CCT2: variants seen among roughly 807,000 people sequenced by gnomAD.
CCT2 encodes the protein T-complex protein 1 subunit beta.
Under a neutral mutation model 61.8 loss-of-function variants are expected in CCT2, and 18 were observed. That is an observed-to-expected ratio of 0.29 (90% CI 0.20 to 0.43). The LOEUF is 0.43. CCT2 is among the 20% of genes least tolerant of loss of function. The pLI is 1.00. For synonymous variants in CCT2, 248 were observed against 215.9 expected, an observed-to-expected ratio of 1.15 and a Z score of -1.30; for missense variants, 556 against 656.9, an observed-to-expected ratio of 0.85 and a Z score of 1.68.
chr12:69,601,343 C>G lies in CCT2; in HGVS notation c.*18C>G. ...CCTGTTAAGCATTCCCACGTGCTGT[C>G]GATCTTTGGACCAGTTTCTAGCAAA... is the stretch of plus-strand genomic sequence containing the variant. On this transcript the variant is annotated 3_prime_UTR_variant, in exon 16 of 16. Transcript: ENST00000299300. The G allele has an allele frequency of 6.2e-7, 1 of 1,613,786 alleles. No homozygotes were observed. Among genetic ancestry groups the G allele is most frequent in the South Asian group, 1.1e-5 (1 of 91,000 alleles).
chr12:69,596,349 G>T (rs1238189635), intron 10 of CCT2, among the ~76,000 whole-genome samples: 1 of 152,172 alleles, frequency 6.6e-6, no homozygotes, highest in Non-Finnish European at 1.5e-5. Flanking sequence ...GAAAAGAAGG[G>T]TTGATTGATA....
intron 10 of CCT2, among the ~76,000 whole-genome samples, chr12:69,596,137 C>T (rs956230324): frequency 6.6e-6 from 1 of 152,206 alleles, no homozygotes; most frequent in African/African-American, 2.4e-5. Flanking sequence ...CCAAGTTAGT[C>T]TTATTTTTGG....
In CCT2 at chr12:69,593,629, A is replaced by G. The variant is rs1220617354; in HGVS notation, c.982+16A>G. On this transcript the variant is annotated intron_variant, in intron 10 of 15. Coordinates refer to ENST00000299300, the MANE Select transcript of CCT2 (RefSeq NM_006431.3). The stretch of plus-strand genomic sequence containing the variant: ...CTTGTCACAGGTATGGAAAAAAGGT[A>G]TTGTTTTCTAACAAACACAATAGTC... 4 of 1,476,332 alleles carry G rather than the reference A, an allele frequency of 2.7e-6. No homozygotes were observed. The highest frequency in any genetic ancestry group is 1.7e-5 in the Admixed American group (1 of 58,644). 91.5% of individuals were successfully genotyped at this position (1,476,332 alleles called of 1,614,324 possible).
intron 1 of CCT2, 173 bp downstream of exon 1, chr12:69,585,697 G>C: frequency 6.7e-7 from 1 of 1,500,522 alleles, no homozygotes; most frequent in East Asian, 2.5e-5. Flanking sequence ...AGCCGGTGGA[G>C]CTCACCACGA....
At position 69,586,040 on chromosome 12, in the gene CCT2, A is replaced by G. The variant is rs1426047509; in HGVS notation, c.4-230A>G. The G allele has an allele frequency of 3.4e-5, 47 of 1,387,312 alleles. No individual in the cohort carries two copies. The Middle Eastern group carries it at 8.1e-4, about 24-fold the overall frequency. The allele number at this position is 1,387,312 out of a possible 1,614,324, so 85.9% of individuals were successfully genotyped here. On this transcript the variant is annotated intron_variant, in intron 1 of 15. Transcript: ENST00000299300. ...TAACTGTCAATCTCGCTGGTGTATA[A>G]TTTATACTCCCGGGGGCCTTGTAAA...
chr12:69,596,851 T>C (rs1882006298), intron 10 of CCT2, among the ~76,000 whole-genome samples: 2 of 152,202 alleles, frequency 1.3e-5, no homozygotes, highest in Admixed American at 1.3e-4. Flanking sequence ...CCAGACTGCT[T>C]GAGTTTGAAC....
At position 69,586,429 on chromosome 12, in the gene CCT2, A is replaced by T. The variant is rs1881659507; in HGVS notation, c.78+85A>T. On this transcript the variant is annotated intron_variant, in intron 2 of 15. Transcript: ENST00000299300. ...ACTCCTGTAATCCCAGTACTTTGGGAGGCCGAGGTAGGCGGATGAACTGAG... is the reference window on the plus strand; with the variant it reads ...ACTCCTGTAATCCCAGTACTTTGGGTGGCCGAGGTAGGCGGATGAACTGAG... The T allele has an allele frequency of 3.2e-6, 3 of 935,238 alleles. No individual in the cohort carries two copies. In the South Asian group the frequency reaches 4.0e-5, roughly 12 times the overall value. The allele number at this position is 935,238 out of a possible 1,614,324, so 57.9% of individuals were successfully genotyped here.
chr12:69,599,930 A>C lies in CCT2; in HGVS notation c.1503A>C (p.Arg501=). ...TAACAGAAAGTTTTCAAGTGAAGCG[A>C]CAGGTTCTTCTGAGTGCAGCTGAAG... ...LGITESFQVK[R]QVLLSAAEAA... Residue 501 remains arginine (R), a synonymous_variant, in exon 15 of 16, where the codon CGA becomes CGC. Coordinates refer to ENST00000299300, the MANE Select transcript of CCT2 (RefSeq NM_006431.3). 1 of 1,614,072 alleles carries C rather than the reference A, an allele frequency of 6.2e-7. No individual in the cohort carries two copies. The highest frequency in any genetic ancestry group is 1.3e-5 in the African/African-American group (1 of 75,052).
Position 69,601,354 on chromosome 12 carries a change from C to A in CCT2, c.*29C>A, listed in dbSNP as rs749846279. 10 of 1,613,850 alleles carry A rather than the reference C, an allele frequency of 6.2e-6. No individual in the cohort carries two copies. The highest frequency in any genetic ancestry group is 8.5e-7 in the Non-Finnish European group (1 of 1,179,848). ...TTCCCACGTGCTGTCGATCTTTGGA[C>A]CAGTTTCTAGCAAAGTTGTGTTTGA... On this transcript the variant is annotated 3_prime_UTR_variant, in exon 16 of 16. Coordinates refer to ENST00000299300, the MANE Select transcript of CCT2 (RefSeq NM_006431.3).
chr12:69,601,181 CAG>C (rs1394378798), intron 15 of CCT2, 112 bp from the exon 16 acceptor site: 1 of 830,246 alleles, frequency 1.2e-6, no homozygotes, highest in South Asian at 1.8e-5. Flanking sequence ...CAAACCATTG[CAG>C]AGTTATAACA....
intron 4 of CCT2, 153 bp downstream of exon 4, chr12:69,587,769 G>T: frequency 1.4e-6 from 1 of 733,536 alleles, no homozygotes; most frequent in Non-Finnish European, 2.3e-6. Context: ...CTTCAGGAGT[G>T]CCCGTATGTT....
intron 7 of CCT2, 184 bp downstream of exon 7, chr12:69,589,871 G>T: frequency 1.7e-6 from 1 of 591,402 alleles, no homozygotes; most frequent in Non-Finnish European, 3.0e-6. Flanking sequence ...CGCTATTCCA[G>T]CATTGTTGAT....
Position 69,588,277 on chromosome 12 carries a change from G to A in CCT2, c.446+15G>A. ...GTTGATCATGGGTTTGTATAGCAAA[G>A]TACTACTGTTCTAAACATTTAGTGT... On this transcript the variant is annotated intron_variant, in intron 6 of 15. Coordinates refer to ENST00000299300, the MANE Select transcript of CCT2 (RefSeq NM_006431.3). 6.5e-7 allele frequency: 1 copy of A among 1,535,158 alleles called. No individual in the cohort carries two copies. Among genetic ancestry groups the A allele is most frequent in the Non-Finnish European group, 9.0e-7 (1 of 1,108,240 alleles).
At chr12:69,588,485 A>G (rs1477724343) in intron 6 of CCT2, 5 of 492,860 alleles carry the variant, frequency 1.0e-5, no homozygotes, top group Non-Finnish European at 1.8e-5. Flanking sequence ...AAATAAAGCA[A>G]ATAGTATAAT....
intron 7 of CCT2, among the ~76,000 whole-genome samples, chr12:69,590,565 A>G (rs1881805758): frequency 6.6e-6 from 1 of 152,176 alleles, no homozygotes; most frequent in Non-Finnish European, 1.5e-5. Flanking sequence ...AAGGAAAAAA[A>G]AAGAATTAGA....
At chr12:69,597,498 T>G (rs1409441581) in intron 11 of CCT2, 140 bp from the exon 12 acceptor site, 7 of 1,060,172 alleles carry the variant, frequency 6.6e-6, no homozygotes, top group Non-Finnish European at 9.6e-6. Flanking sequence ...TTAGAACCAT[T>G]ATGAGCCTTG....
At position 69,599,852 on chromosome 12, in the gene CCT2, TTTC is replaced by T; in HGVS notation, c.1436-8_1436-6del. On this transcript the variant is annotated splice_polypyrimidine_tract_variant and splice_region_variant and intron_variant, in intron 14 of 15. Transcript: ENST00000299300. ...AAAACTGCTTTTTAGTAAATTTGTTTTTCTTTGCAGATATGAGGGAAGGCACCA... is the reference window on the plus strand; with the variant it reads ...AAAACTGCTTTTTAGTAAATTTGTTTTTTGCAGATATGAGGGAAGGCACCA... 6.3e-7 allele frequency: 1 copy of T among 1,594,136 alleles called. No homozygotes were observed. The highest frequency in any genetic ancestry group is 1.2e-5 in the South Asian group (1 of 86,612).
intron 14 of CCT2, among the ~76,000 whole-genome samples, chr12:69,599,357 G>A (rs61929303): frequency 0.094 from 14,177 of 151,482 alleles, 874 homozygotes; most frequent in Non-Finnish European, 0.14. Context: ...AGGATTATAG[G>A]TGTGAGCCAC....
chr12:69,595,206 G>T lies in CCT2; in HGVS notation c.982+1593G>T, dbSNP rs73323774. Reference sequence around the variant, plus strand: ...TCATCCCAGAATGATCTCTTAAGACGTTTTTTTTAATCATTTGAGAAGCAT... The same window carrying T: ...TCATCCCAGAATGATCTCTTAAGACTTTTTTTTTAATCATTTGAGAAGCAT... On this transcript the variant is annotated intron_variant, in intron 10 of 15. Coordinates refer to ENST00000299300, the MANE Select transcript of CCT2 (RefSeq NM_006431.3). Among the ~76,000 whole-genome samples, 1,516 of 151,962 alleles carry T rather than the reference G, an allele frequency of 1.0e-2. 21 individuals carry two copies. The highest frequency in any genetic ancestry group is 0.035 in the African/African-American group (1,459 of 41,426).
Sources: allele counts gnomAD v4.1 joint callset (sites outside exome capture counted in the v4.1 genomes callset), GRCh38; gene constraint gnomAD v4.1.1; transcripts MANE v1.5; gene names NCBI Gene and HGNC (gene_info 2026-07-23, HGNC 2026-07-21).